The following ADAM18 variants were observed in gnomAD, a reference collection of about 807,000 sequenced individuals.
ADAM18 encodes the protein ADAM metallopeptidase domain 18.
Under a neutral mutation model 94.4 loss-of-function variants are expected in ADAM18, and 117 were observed. The observed-to-expected ratio is 1.24, with a 90% CI of 1.07 to 1.45. The LOEUF (loss-of-function observed/expected upper bound fraction) is 1.45. Ranked by LOEUF, ADAM18 falls within the 40% of genes most tolerant of loss-of-function variation. ADAM18 has a pLI of 0.00. For synonymous variants in ADAM18, 327 were observed against 291.6 expected (o/e 1.12, Z -1.24); for missense variants, 936 against 880.0 (o/e 1.06, Z -0.81).
intron 7 of ADAM18, among the ~76,000 whole-genome samples, chr8:39,630,586 A>G (rs983724882): frequency 1.3e-5 from 2 of 151,908 alleles, no homozygotes; most frequent in Non-Finnish European, 2.9e-5. Context: ...TTTTGTTAAT[A>G]TAATGTCTTT....
chr8:39,695,650 C>T (rs1821904361), intron 17 of ADAM18, among the ~76,000 whole-genome samples: 1 of 151,230 alleles, frequency 6.6e-6, no homozygotes, highest in Non-Finnish European at 1.5e-5. Flanking sequence ...GAATTGACTA[C>T]TCTAGATACC....
intron 18 of ADAM18, among the ~76,000 whole-genome samples, chr8:39,708,629 G>A (rs1822306606): frequency 6.6e-6 from 1 of 152,240 alleles, no homozygotes; most frequent in Non-Finnish European, 1.5e-5. Flanking sequence ...CTTGGGACCT[G>A]TGACAGGGGT....
chr8:39,588,323 AT>A (rs1189339497), intron 2 of ADAM18, among the ~76,000 whole-genome samples: 1 of 151,690 alleles, frequency 6.6e-6, no homozygotes, highest in Admixed American at 6.6e-5. Flanking sequence ...GATTAATGAT[AT>A]TGAGTACTAT....
chr8:39,675,546 G>A (rs748668978), intron 14 of ADAM18, among the ~76,000 whole-genome samples: 3 of 152,116 alleles, frequency 2.0e-5, no homozygotes, highest in Non-Finnish European at 4.4e-5. Context: ...AAGGTTTTTA[G>A]CTTCCTTGTG....
intron 6 of ADAM18, among the ~76,000 whole-genome samples, chr8:39,622,280 G>A (rs1819638089): frequency 6.7e-6 from 1 of 148,788 alleles, no homozygotes. Context: ...AATATATTAT[G>A]TATATTATAT....
intron 19 of ADAM18, among the ~76,000 whole-genome samples, chr8:39,729,198 G>A (rs1251101513): frequency 6.6e-6 from 1 of 152,052 alleles, no homozygotes; most frequent in African/African-American, 2.4e-5. Context: ...TATTCAATGA[G>A]GAGTTATTCT....
In ADAM18 at chr8:39,660,286, T is replaced by C. The variant is rs557226714; in HGVS notation, c.1231-3509T>C. On this transcript the variant is annotated intron_variant, in intron 12 of 19. Coordinates refer to ENST00000265707, the MANE Select transcript of ADAM18 (RefSeq NM_014237.3). ...TTTGACTATAAATGGATTCGATTATTGAATCAGAAGACACAGAGTGGCTGA... is the reference window on the plus strand; with the variant it reads ...TTTGACTATAAATGGATTCGATTATCGAATCAGAAGACACAGAGTGGCTGA... Among the ~76,000 whole-genome samples, 12 of 152,272 alleles carry C rather than the reference T, an allele frequency of 7.9e-5. No homozygotes were observed. The East Asian group carries it at 2.3e-3, about 29-fold the overall frequency.
At chr8:39,726,856 C>A (rs954988450) in intron 19 of ADAM18, among the ~76,000 whole-genome samples, 2 of 152,096 alleles carry the variant, frequency 1.3e-5, no homozygotes, top group East Asian at 1.9e-4. Context: ...TATTTGACAA[C>A]CATCTTACAA....
chr8:39,698,657 A>G (rs1464415418), intron 17 of ADAM18, among the ~76,000 whole-genome samples: 1 of 151,974 alleles, frequency 6.6e-6, no homozygotes, highest in Non-Finnish European at 1.5e-5. Context: ...TCCTTAAATA[A>G]TTTGCAATGG....
intron 6 of ADAM18, among the ~76,000 whole-genome samples, chr8:39,616,943 G>T (rs913722255): frequency 6.6e-6 from 1 of 152,076 alleles, no homozygotes; most frequent in Non-Finnish European, 1.5e-5. Flanking sequence ...ATATCACTCT[G>T]AACATAGGCC....
intron 7 of ADAM18, 62 bp downstream of exon 7, chr8:39,629,501 T>A: frequency 1.7e-6 from 2 of 1,157,870 alleles, no homozygotes; most frequent in South Asian, 3.0e-5. Flanking sequence ...GAAAGAACTT[T>A]CCTTCTTGCA....
intron 17 of ADAM18, among the ~76,000 whole-genome samples, chr8:39,694,060 C>T (rs976830667): frequency 3.3e-5 from 5 of 151,092 alleles, no homozygotes; most frequent in Non-Finnish European, 7.4e-5. Context: ...ATTTATTACT[C>T]TGAAAATTAG....
chr8:39,650,492 T>C (rs1820501415), intron 12 of ADAM18, among the ~76,000 whole-genome samples: 1 of 152,142 alleles, frequency 6.6e-6, no homozygotes, highest in African/African-American at 2.4e-5. Context: ...CTTCCTACAC[T>C]AACAACAAAC....
chr8:39,606,678 A>C (rs1380449148), intron 3 of ADAM18, among the ~76,000 whole-genome samples: 1 of 152,164 alleles, frequency 6.6e-6, no homozygotes, highest in East Asian at 1.9e-4. Context: ...AATCAAACAT[A>C]GTTATGTCAC....
chr8:39,699,206 T>A (rs980717945), intron 17 of ADAM18, among the ~76,000 whole-genome samples: 1 of 152,032 alleles, frequency 6.6e-6, no homozygotes, highest in African/African-American at 2.4e-5. Context: ...AACTAACAAG[T>A]CTCACTTGTT....
chr8:39,610,737 A>G, intron 6 of ADAM18, 31 bp downstream of exon 6: 2 of 1,592,972 alleles, frequency 1.3e-6, no homozygotes, highest in Non-Finnish European at 1.7e-6. Context: ...GTTATGACAT[A>G]CTAGAACATT....
chr8:39,631,646 C>T (rs1394681879), intron 7 of ADAM18, among the ~76,000 whole-genome samples: 2 of 151,784 alleles, frequency 1.3e-5, no homozygotes, highest in South Asian at 4.1e-4. Context: ...ATTGCTTTGA[C>T]TATTCTGGGC....
In ADAM18 at chr8:39,687,888, T is replaced by C. The variant is rs182856057; in HGVS notation, c.1822-4712T>C. On this transcript the variant is annotated intron_variant, in intron 16 of 19. Transcript: ENST00000265707. The stretch of plus-strand genomic sequence containing the variant: ...AGCCCACCATTAATGGGCGTCTTCA[T>C]TGATTCATGTCTTTGCTATTGTGAA... 3.9e-5 allele frequency among the ~76,000 whole-genome samples: 6 copies of C among 152,228 alleles called. No individual in the cohort carries two copies. The East Asian group carries it at 1.2e-3, about 29-fold the overall frequency.
chr8:39,704,073 G>A (rs1192396809), intron 17 of ADAM18, among the ~76,000 whole-genome samples: 1 of 151,960 alleles, frequency 6.6e-6, no homozygotes. Context: ...GTAATAAATA[G>A]CCTACCAACC....
Sources: gnomAD v4.1 joint callset for allele counts (sites outside exome capture counted in the v4.1 genomes callset) on GRCh38, gnomAD v4.1.1 for gene constraint, MANE v1.5 for transcripts, NCBI Gene and HGNC (gene_info 2026-07-23, HGNC 2026-07-21) for gene names.